PIWIL1: variants seen among roughly 807,000 people sequenced by gnomAD.
PIWIL1 encodes piwi-like protein 1.
PIWIL1 carries 73 observed loss-of-function variants against 114.4 expected under a neutral mutation model. That is an observed-to-expected ratio of 0.64 (90% CI 0.53 to 0.78). The LOEUF (loss-of-function observed/expected upper bound fraction) is 0.78, where lower values mean the gene tolerates loss of function less well. PIWIL1 is among the 30% of genes least tolerant of loss of function. The pLI is 0.00. For missense variants in PIWIL1, 723 were observed against 1,063.1 expected (o/e 0.68, Z 4.45); for synonymous variants, 375 against 369.0 (o/e 1.02, Z -0.19).
chr12:130,342,683 C>G lies in PIWIL1; in HGVS notation c.78+14C>G, dbSNP rs765902566. The G allele has an allele frequency of 9.4e-6, 15 of 1,591,912 alleles. No homozygotes were observed. Among genetic ancestry groups the G allele is most frequent in the Non-Finnish European group, 1.1e-5 (13 of 1,160,434 alleles). On this transcript the variant is annotated intron_variant, in intron 2 of 20. Transcript: ENST00000245255. ...GGCTCCACTGCCGTGAGTGCTTCAC[C>G]GTTTCTGACTACAGAAAATGTCTTT...
At chr12:130,417,866 G>C in the PIWIL1 span, among the ~76,000 whole-genome samples, 1 of 151,810 alleles carries the variant, frequency 6.6e-6, no homozygotes, top group African/African-American at 2.4e-5. Flanking sequence ...AGAGAGAATG[G>C]GAGGGGAGAG....
chr12:130,414,451 A>C, the PIWIL1 span: 1 of 734,362 alleles, frequency 1.4e-6, no homozygotes, highest in Admixed American at 3.0e-5. Context: ...AGGTGGAAAT[A>C]GATCGGGAGG....
chr12:130,343,091 C>T lies in PIWIL1; in HGVS notation c.180C>T (p.Ala60=). The change falls in exon 3 of 21, where the codon GCC becomes GCT. Residue 60 remains alanine (A), a synonymous_variant. Coordinates refer to ENST00000245255, the MANE Select transcript of PIWIL1 (RefSeq NM_004764.5). ...GRQRGTAGGT[A]KSQGLQISAG... Reference sequence around the variant, plus strand: ...AGAGAGGAACAGCAGGAGGAACAGCCAAGTCACAAGGTGAAGAGAAAGTAA... The same window carrying T: ...AGAGAGGAACAGCAGGAGGAACAGCTAAGTCACAAGGTGAAGAGAAAGTAA... 1 of 1,611,754 alleles carries T rather than the reference C, an allele frequency of 6.2e-7. No individual in the cohort carries two copies. The highest frequency in any genetic ancestry group is 1.1e-5 in the South Asian group (1 of 90,838).
chr12:130,369,017 T>C (rs866703381), intron 19 of PIWIL1, among the ~76,000 whole-genome samples: 4 of 152,276 alleles, frequency 2.6e-5, no homozygotes, highest in Middle Eastern at 3.4e-3. Flanking sequence ...CATTAGCTCA[T>C]GCATTAGCTA....
chr12:130,368,900 CATTTT>C (rs1256192657), intron 19 of PIWIL1, among the ~76,000 whole-genome samples: 4 of 149,762 alleles, frequency 2.7e-5, no homozygotes, highest in Non-Finnish European at 5.9e-5. Context: ...TTTTTAGTTT[CATTTT>C]AAGTTCCGAG....
At position 130,338,403 on chromosome 12, in the gene PIWIL1, G is replaced by GGA. The variant is rs1455118643; in HGVS notation, c.-13+258_-13+259dup. Among the ~76,000 whole-genome samples, 9 of 41,288 alleles carry GGA rather than the reference G, an allele frequency of 2.2e-4. 2 individuals carry two copies. Among genetic ancestry groups the GGA allele is most frequent in the African/African-American group, 3.5e-4 (5 of 14,160 alleles). The allele number at this position is 41,288 out of a possible 152,430, so 27.1% of individuals were successfully genotyped here. ...GCGGGGGCGAGGTCCCAGGTGCAAG[G>GGA]GATGCAGGAGCCGGGTGCGGGGGCG... On this transcript the variant is annotated intron_variant, in intron 1 of 20. Coordinates refer to ENST00000245255, the MANE Select transcript of PIWIL1 (RefSeq NM_004764.5).
At position 130,363,034 on chromosome 12, in the gene PIWIL1, C is replaced by CCGGAT; in HGVS notation, c.2087_2091dup (p.Ile698GlyfsTer9). Reference sequence around the variant, plus strand: ...ATAGCTGCAATGAGTACATGCCCAGCCGGATCATCGTGTACCGCGATGGCG... The same window carrying CCGGAT: ...ATAGCTGCAATGAGTACATGCCCAGCCGGATCGGATCATCGTGTACCGCGATGGCG... On this transcript the variant is annotated frameshift_variant, in exon 18 of 21. Transcript: ENST00000245255. LOFTEE classifies it high-confidence loss of function. 6.2e-7 allele frequency: 1 copy of CCGGAT among 1,614,210 alleles called. No homozygotes were observed. Among genetic ancestry groups the CCGGAT allele is most frequent in the South Asian group, 1.1e-5 (1 of 91,078 alleles).
the PIWIL1 span, among the ~76,000 whole-genome samples, chr12:130,392,375 C>T: frequency 2.0e-5 from 1 of 48,984 alleles, no homozygotes; most frequent in African/African-American, 1.6e-4. Flanking sequence ...ACCGTCATCA[C>T]ATGTGTCCGT....
At chr12:130,383,708 C>T in the PIWIL1 span, 2 of 152,138 alleles carry the variant, frequency 1.3e-5, no homozygotes, top group East Asian at 1.9e-4. Context: ...AGAAACCTAT[C>T]GTGTGGTTTT....
the PIWIL1 span, among the ~76,000 whole-genome samples, chr12:130,406,591 C>G: frequency 6.6e-6 from 1 of 152,198 alleles, no homozygotes; most frequent in African/African-American, 2.4e-5. Flanking sequence ...AGTATAAGGA[C>G]CATTACGTAA....
At chr12:130,365,996 A>G (rs1410081089) in intron 18 of PIWIL1, among the ~76,000 whole-genome samples, 1 of 152,210 alleles carries the variant, frequency 6.6e-6, no homozygotes. Context: ...AAGTACTCTC[A>G]CTGAGTTTCT....
At chr12:130,338,354 GTGTGGGAGA>G (rs2072776322) in intron 1 of PIWIL1, 1 of 188,686 alleles carries the variant, frequency 5.3e-6, no homozygotes, top group Non-Finnish European at 1.0e-5. Flanking sequence ...GAGGTCCCAG[GTGTGGGAGA>G]TGCAGGAGCC....
intron 12 of PIWIL1, 28 bp downstream of exon 12, chr12:130,355,695 G>A (rs2073345188): frequency 2.0e-6 from 3 of 1,496,930 alleles, no homozygotes; most frequent in Middle Eastern, 1.7e-4. Context: ...TGGTGTTGTT[G>A]TTGTTTTTGA....
chr12:130,405,634 G>A, the PIWIL1 span, among the ~76,000 whole-genome samples: 1 of 151,438 alleles, frequency 6.6e-6, no homozygotes, highest in Non-Finnish European at 1.5e-5. Context: ...AGGAGGGAGG[G>A]TGGCTCTGAG....
chr12:130,389,034 T>G, the PIWIL1 span, among the ~76,000 whole-genome samples: 157 of 152,262 alleles, frequency 1.0e-3, 1 homozygote, highest in African/African-American at 3.7e-3. Flanking sequence ...TCTGTTGAGT[T>G]TTTTTAGTTT....
At chr12:130,406,110 A>G in the PIWIL1 span, 7 of 1,116,332 alleles carry the variant, frequency 6.3e-6, no homozygotes, top group Non-Finnish European at 9.5e-6. Flanking sequence ...GCAAAACAAA[A>G]CACACAAAAT....
chr12:130,338,163 AG>A lies in PIWIL1; in HGVS notation c.-13+19del, dbSNP rs199788734. 7,997 of 293,734 alleles carry A rather than the reference AG, an allele frequency of 0.027. 156 individuals carry two copies. The highest frequency in any genetic ancestry group is 0.038 in the Non-Finnish European group (5,911 of 157,390). The allele number at this position is 293,734 out of a possible 1,614,324, so 18.2% of individuals were successfully genotyped here. ...CGGTCCAAGGTGCGGGGCCAGGCTG[AG>A]GTGCTAGGTGTGCGGGGGCCGGGAT... On this transcript the variant is annotated intron_variant, in intron 1 of 20. Transcript: ENST00000245255.
chr12:130,359,082 C>T (rs2073443040), intron 14 of PIWIL1, among the ~76,000 whole-genome samples: 1 of 152,178 alleles, frequency 6.6e-6, no homozygotes, highest in African/African-American at 2.4e-5. Context: ...CTCCTCCCAC[C>T]CCTGAAATTC....
exon 21 of PIWIL1, chr12:130,372,597 C>CAAAAAA (rs60262232): frequency 1.3e-4 from 9 of 67,912 alleles, 1 homozygote; most frequent in South Asian, 7.1e-4. Context: ...GACTCCGTCT[C>CAAAAAA]AAAAAAAAAA....
Sources: allele counts gnomAD v4.1 joint callset (sites outside exome capture counted in the v4.1 genomes callset), GRCh38; gene constraint gnomAD v4.1.1; transcripts MANE v1.5; gene names NCBI Gene and HGNC (gene_info 2026-07-23, HGNC 2026-07-21).